The following UNC5D variants were observed in gnomAD, a reference collection of about 807,000 sequenced individuals.
The protein encoded by UNC5D is netrin receptor UNC5D.
A neutral mutation model predicts 105.4 loss-of-function variants in UNC5D; 39 were observed. The observed-to-expected ratio is 0.37, with a 90% CI of 0.29 to 0.48. The LOEUF (loss-of-function observed/expected upper bound fraction) is 0.48, where lower values mean the gene tolerates loss of function less well. UNC5D is among the 20% of genes least tolerant of loss of function. The probability of loss-of-function intolerance (pLI) is 0.98; values close to 1 mark genes in which losing one functional copy is unlikely to be tolerated. For synonymous variants in UNC5D, 452 were observed against 450.4 expected (o/e 1.00, Z -0.04); for missense variants, 991 against 1,202.4 (o/e 0.82, Z 2.60).
intron 1 of UNC5D, among the ~76,000 whole-genome samples, chr8:35,266,084 C>A (rs1242383604): frequency 6.6e-6 from 1 of 151,910 alleles, no homozygotes; most frequent in East Asian, 1.9e-4. Context: ...AATAAGCCTC[C>A]AGAACATTAG....
intron 4 of UNC5D, among the ~76,000 whole-genome samples, chr8:35,621,313 A>C (rs902421595): frequency 6.6e-6 from 1 of 152,142 alleles, no homozygotes; most frequent in African/African-American, 2.4e-5. Flanking sequence ...CAGTGTAGGG[A>C]GTGAGTATCA....
intron 15 of UNC5D, among the ~76,000 whole-genome samples, chr8:35,770,013 A>G (rs1457125346): frequency 6.6e-6 from 1 of 152,086 alleles, no homozygotes; most frequent in East Asian, 1.9e-4. Context: ...TTTTTGGTAA[A>G]TGGTTCCAGC....
At chr8:35,624,642 G>A (rs1005956798) in intron 4 of UNC5D, among the ~76,000 whole-genome samples, 12 of 152,144 alleles carry the variant, frequency 7.9e-5, no homozygotes, top group African/African-American at 2.7e-4. Context: ...CTTGTCCTAA[G>A]ATTTAAATGA....
At chr8:35,724,389 G>A (rs1032926751) in intron 9 of UNC5D, 2 of 1,353,364 alleles carry the variant, frequency 1.5e-6, no homozygotes, top group Admixed American at 2.4e-5. Context: ...CCGTTTTTGA[G>A]CAATACATCC....
intron 4 of UNC5D, among the ~76,000 whole-genome samples, chr8:35,617,158 G>A (rs1379092799): frequency 6.6e-6 from 1 of 152,028 alleles, no homozygotes; most frequent in African/African-American, 2.4e-5. Flanking sequence ...GATAAACAAC[G>A]GCCACAATCA....
Position 35,443,869 on chromosome 8 carries a change from GA to G in UNC5D, c.104-105421del, listed in dbSNP as rs1204343768. ...CTGATCATCTTTTTTAATGAGAACA[GA>G]ATCAGAAATTGTATGCTATTTGTAA... On this transcript the variant is annotated intron_variant, in intron 1 of 16. Coordinates refer to ENST00000404895, the MANE Select transcript of UNC5D (RefSeq NM_080872.4). Among the ~76,000 whole-genome samples, 3 of 151,852 alleles carry G rather than the reference GA, an allele frequency of 2.0e-5. No homozygotes were observed. The East Asian group carries it at 5.8e-4, about 29-fold the overall frequency.
chr8:35,361,590 G>A (rs1337668989), intron 1 of UNC5D, among the ~76,000 whole-genome samples: 2 of 152,152 alleles, frequency 1.3e-5, no homozygotes, highest in Non-Finnish European at 1.5e-5. Context: ...GACACCAGTA[G>A]CAAAGCACTA....
rs140428576 is a variant in UNC5D at position 35,415,693 on chromosome 8, C to G, written c.104-133599C>G. On this transcript the variant is annotated intron_variant, in intron 1 of 16. Transcript: ENST00000404895. ...AGTCACCAGCTGTTCCCACTACTTT[C>G]CTGACTTTTGTGTTCATTTTTAGTT... 1.2e-3 allele frequency among the ~76,000 whole-genome samples: 185 copies of G among 152,264 alleles called. 2 individuals are homozygous for G. The East Asian group carries it at 0.023, about 19-fold the overall frequency.
intron 1 of UNC5D, among the ~76,000 whole-genome samples, chr8:35,490,971 C>T (rs1168830801): frequency 6.6e-6 from 1 of 150,534 alleles, no homozygotes; most frequent in Non-Finnish European, 1.5e-5. Flanking sequence ...TCCTAGTTTG[C>T]TTTTTTTTTC....
chr8:35,571,347 C>T (rs552913665), intron 3 of UNC5D, among the ~76,000 whole-genome samples: 2 of 152,302 alleles, frequency 1.3e-5, no homozygotes, highest in Non-Finnish European at 2.9e-5. Flanking sequence ...ATCCAATGTA[C>T]TTAATATAAT....
intron 1 of UNC5D, among the ~76,000 whole-genome samples, chr8:35,469,744 G>A (rs1046064945): frequency 1.3e-5 from 2 of 152,164 alleles, no homozygotes; most frequent in Non-Finnish European, 2.9e-5. Context: ...CCTGAATGAC[G>A]AATATGAGGT....
chr8:35,316,166 A>C (rs990880852), intron 1 of UNC5D, among the ~76,000 whole-genome samples: 1 of 152,188 alleles, frequency 6.6e-6, no homozygotes, highest in Non-Finnish European at 1.5e-5. Flanking sequence ...TTTTATTTAA[A>C]TTAAGGAAAT....
At chr8:35,565,383 C>G (rs918176205) in intron 2 of UNC5D, among the ~76,000 whole-genome samples, 2 of 151,968 alleles carry the variant, frequency 1.3e-5, no homozygotes, top group African/African-American at 4.8e-5. Context: ...ACTTACATAT[C>G]TTCTTTTGAA....
chr8:35,681,500 G>A (rs1470077944), intron 4 of UNC5D, among the ~76,000 whole-genome samples: 1 of 152,284 alleles, frequency 6.6e-6, no homozygotes, highest in East Asian at 1.9e-4. Context: ...AATATGCAAT[G>A]GTAGTAGTGA....
Position 35,331,171 on chromosome 8 carries a change from C to T in UNC5D, c.103+95284C>T, listed in dbSNP as rs147128061. ...GAGTGAGAGATGAGAGATTAATTCA[C>T]GACCCTGTATAGATTATTCGAAACA... On this transcript the variant is annotated intron_variant, in intron 1 of 16. Coordinates refer to ENST00000404895, the MANE Select transcript of UNC5D (RefSeq NM_080872.4). 3.6e-3 allele frequency among the ~76,000 whole-genome samples: 554 copies of T among 152,136 alleles called. 2 individuals carry two copies. The highest frequency in any genetic ancestry group is 0.012 in the African/African-American group (498 of 41,496).
At chr8:35,699,305 C>T (rs1827011526) in intron 7 of UNC5D, among the ~76,000 whole-genome samples, 1 of 152,144 alleles carries the variant, frequency 6.6e-6, no homozygotes, top group African/African-American at 2.4e-5. Context: ...CTCCTGAATG[C>T]ACACTAATTA....
chr8:35,645,750 T>A (rs890110145), intron 4 of UNC5D, among the ~76,000 whole-genome samples: 1 of 152,110 alleles, frequency 6.6e-6, no homozygotes, highest in African/African-American at 2.4e-5. Context: ...GGAATTTTGC[T>A]ATTATCTTGA....
chr8:35,276,095 G>A (rs541150772), intron 1 of UNC5D, among the ~76,000 whole-genome samples: 1 of 152,228 alleles, frequency 6.6e-6, no homozygotes, highest in South Asian at 2.1e-4. Flanking sequence ...AGGTTGTGAA[G>A]ATTTCAGTGT....
At chr8:35,450,069 G>T (rs1808046574) in intron 1 of UNC5D, among the ~76,000 whole-genome samples, 1 of 152,146 alleles carries the variant, frequency 6.6e-6, no homozygotes, top group South Asian at 2.1e-4. Flanking sequence ...ACTATTCAGT[G>T]ACACATGTTT....
Sources: allele counts gnomAD v4.1 joint callset (sites outside exome capture counted in the v4.1 genomes callset), GRCh38; gene constraint gnomAD v4.1.1; transcripts MANE v1.5; gene names NCBI Gene and HGNC (gene_info 2026-07-23, HGNC 2026-07-21).